KREMEN1: variants seen among roughly 807,000 people sequenced by gnomAD.
KREMEN1 encodes the protein kringle containing transmembrane protein 1.
KREMEN1 carries 30 observed loss-of-function variants against 46.5 expected under a neutral mutation model. The ratio of observed to expected loss-of-function variants is 0.65; its 90% CI spans 0.48 to 0.88. KREMEN1 has a LOEUF of 0.88. Among genes scored for constraint, KREMEN1 ranks in the 40% least tolerant of loss-of-function variants. The probability of loss-of-function intolerance (pLI) is 0.00; values close to 1 mark genes in which losing one functional copy is unlikely to be tolerated. For missense variants in KREMEN1, 533 were observed against 596.9 expected (o/e 0.89, Z 1.11); for synonymous variants, 214 against 230.6 (o/e 0.93, Z 0.65).
chr22:29,153,430 C>T (rs1253703423), intron 9 of KREMEN1, among the ~76,000 whole-genome samples: 1 of 152,154 alleles, frequency 6.6e-6, no homozygotes, highest in East Asian at 1.9e-4. Context: ...CTCATTGCAG[C>T]CTCACTCTCC....
chr22:29,095,589 C>A (rs1473144841), intron 2 of KREMEN1, among the ~76,000 whole-genome samples: 1 of 152,188 alleles, frequency 6.6e-6, no homozygotes, highest in African/African-American at 2.4e-5. Flanking sequence ...GAACTATATA[C>A]CCTGTCCCTG....
Position 29,143,185 on chromosome 22 carries a change from A to G in KREMEN1, c.*1073A>G, listed in dbSNP as rs922393636. 1.0e-6 allele frequency: 1 copy of G among 985,144 alleles called. No individual in the cohort carries two copies. Among genetic ancestry groups the G allele is most frequent in the African/African-American group, 1.7e-5 (1 of 57,188 alleles). 61.0% of individuals were successfully genotyped at this position (985,144 alleles called of 1,614,324 possible). A position where few individuals can be genotyped will look rare whatever the true frequency, so the allele number is the denominator to read the frequency against. On this transcript the variant is annotated 3_prime_UTR_variant, in exon 9 of 9. Coordinates refer to ENST00000400335, the MANE Select transcript of KREMEN1 (RefSeq NM_001039570.3). Reference sequence around the variant, plus strand: ...AAACACAAATAAACAAAAAAAATCCATTCATTTACTCATGCAATAAATTCT... The same window carrying G: ...AAACACAAATAAACAAAAAAAATCCGTTCATTTACTCATGCAATAAATTCT...
Position 29,145,288 on chromosome 22 carries a change from G to A in KREMEN1, c.*3176G>A. The stretch of plus-strand genomic sequence containing the variant: ...AGGTGGCGAAAAGAGGGTAACCCTG[G>A]GAAAGTCAGTCAGAACCCATGGCAG... On this transcript the variant is annotated 3_prime_UTR_variant, in exon 9 of 9. Transcript: ENST00000400335. 1.0e-6 allele frequency: 1 copy of A among 985,646 alleles called. No individual in the cohort carries two copies. Among genetic ancestry groups the A allele is most frequent in the South Asian group, 4.7e-5 (1 of 21,282 alleles). The allele number at this position is 985,646 out of a possible 1,614,324, so 61.1% of individuals were successfully genotyped here. A position where few individuals can be genotyped will look rare whatever the true frequency, so the allele number is the denominator to read the frequency against.
At position 29,144,670 on chromosome 22, in the gene KREMEN1, G is replaced by A; in HGVS notation, c.*2558G>A. 1.0e-6 allele frequency: 1 copy of A among 985,504 alleles called. No homozygotes were observed. Among genetic ancestry groups the A allele is most frequent in the Non-Finnish European group, 1.2e-6 (1 of 829,950 alleles). 61.0% of individuals were successfully genotyped at this position (985,504 alleles called of 1,614,324 possible). A position where few individuals can be genotyped will look rare whatever the true frequency, so the allele number is the denominator to read the frequency against. ...TCCTGTGCTGTGAATAGATCCATGT[G>A]CAGCACAAAGGGAATGTGGCACGTG... On this transcript the variant is annotated 3_prime_UTR_variant, in exon 9 of 9. Coordinates refer to ENST00000400335, the MANE Select transcript of KREMEN1 (RefSeq NM_001039570.3).
At chr22:29,074,228 T>A (rs970278168) in intron 1 of KREMEN1, among the ~76,000 whole-genome samples, 5 of 152,186 alleles carry the variant, frequency 3.3e-5, no homozygotes, top group African/African-American at 1.2e-4. Context: ...GGACGTGCCC[T>A]CTCTCTCCGC....
chr22:29,119,169 G>C (rs1253290371), intron 3 of KREMEN1, among the ~76,000 whole-genome samples: 2 of 152,140 alleles, frequency 1.3e-5, no homozygotes, highest in Non-Finnish European at 2.9e-5. Flanking sequence ...GCAACATAGT[G>C]AGACCCCATC....
At chr22:29,084,241 T>C (rs2037699300) in intron 1 of KREMEN1, among the ~76,000 whole-genome samples, 2 of 152,120 alleles carry the variant, frequency 1.3e-5, no homozygotes, top group South Asian at 2.1e-4. Flanking sequence ...CTGGCTTCTT[T>C]ACCACATCCT....
Position 29,138,800 on chromosome 22 carries a change from C to T in KREMEN1, c.1123+18C>T, listed in dbSNP as rs376071299. The T allele has an allele frequency of 5.0e-6, 8 of 1,614,234 alleles. No homozygotes were observed. The highest frequency in any genetic ancestry group is 6.8e-6 in the Non-Finnish European group (8 of 1,180,036). The stretch of plus-strand genomic sequence containing the variant: ...TGTCCCAGGTAGCAATTCCTGGGCG[C>T]CACCCATGGGGGCTGGAAGCCACAG... On this transcript the variant is annotated intron_variant, in intron 7 of 8. Coordinates refer to ENST00000400335, the MANE Select transcript of KREMEN1 (RefSeq NM_001039570.3).
At chr22:29,162,680 C>G (rs775267945) in intron 9 of KREMEN1, among the ~76,000 whole-genome samples, 2 of 151,818 alleles carry the variant, frequency 1.3e-5, no homozygotes, top group South Asian at 4.2e-4. Flanking sequence ...CCACTGCATT[C>G]CAGCCTGGGC....
intron 9 of KREMEN1, among the ~76,000 whole-genome samples, chr22:29,158,707 C>T (rs923106583): frequency 6.6e-6 from 1 of 152,236 alleles, no homozygotes; most frequent in Non-Finnish European, 1.5e-5. Flanking sequence ...CAGATGGCCC[C>T]ACCTCCAGGG....
At chr22:29,162,240 C>T (rs181760134) in intron 9 of KREMEN1, among the ~76,000 whole-genome samples, 2 of 152,184 alleles carry the variant, frequency 1.3e-5, no homozygotes, top group Admixed American at 1.3e-4. Context: ...CAAACAAAAA[C>T]CATCATCCCA....
At chr22:29,137,226 A>C (rs1227782007) in intron 5 of KREMEN1, 116 bp from the exon 6 acceptor site, 10 of 668,134 alleles carry the variant, frequency 1.5e-5, no homozygotes, top group Non-Finnish European at 2.4e-5. Context: ...TTACAGATAG[A>C]AACAATGTCC....
intron 9 of KREMEN1, among the ~76,000 whole-genome samples, chr22:29,163,561 G>A (rs191065457): frequency 1.3e-5 from 2 of 152,138 alleles, no homozygotes; most frequent in African/African-American, 4.8e-5. Flanking sequence ...ATTTTTAGTA[G>A]AGACAGGGTT....
In KREMEN1 at chr22:29,142,186, C is replaced by G; in HGVS notation, c.*74C>G. 1 of 1,457,610 alleles carries G rather than the reference C, an allele frequency of 6.9e-7. No homozygotes were observed. Among genetic ancestry groups the G allele is most frequent in the Non-Finnish European group, 9.0e-7 (1 of 1,105,344 alleles). The allele number at this position is 1,457,610 out of a possible 1,614,324, so 90.3% of individuals were successfully genotyped here. On this transcript the variant is annotated 3_prime_UTR_variant, in exon 9 of 9. Coordinates refer to ENST00000400335, the MANE Select transcript of KREMEN1 (RefSeq NM_001039570.3). ...GCCGTGGTCAACCTCTCCTGTGGTT[C>G]TTCTCTGACAGACTCTTCCCCTCCT...
chr22:29,113,604 T>C (rs2038185701), intron 3 of KREMEN1, among the ~76,000 whole-genome samples: 1 of 152,234 alleles, frequency 6.6e-6, no homozygotes. Context: ...GAGGTCCGTA[T>C]TGATTCTCAT....
downstream of KREMEN1, among the ~76,000 whole-genome samples, chr22:29,147,120 G>A (rs377344928): frequency 7.9e-5 from 12 of 152,228 alleles, no homozygotes; most frequent in South Asian, 4.2e-4. Flanking sequence ...GGCTCGAGCC[G>A]GCCTAGATCC....
At chr22:29,117,382 A>C (rs896614092) in intron 3 of KREMEN1, among the ~76,000 whole-genome samples, 1 of 152,174 alleles carries the variant, frequency 6.6e-6, no homozygotes, top group Non-Finnish European at 1.5e-5. Flanking sequence ...CCTGGCTAAC[A>C]TGGTGAAACC....
chr22:29,119,400 A>T (rs1241190029), intron 3 of KREMEN1, among the ~76,000 whole-genome samples: 3 of 152,216 alleles, frequency 2.0e-5, no homozygotes, highest in Non-Finnish European at 4.4e-5. Flanking sequence ...ATGATTGATT[A>T]TTAACTCAAT....
In KREMEN1 at chr22:29,100,319, G is replaced by A. The variant is rs143245078; in HGVS notation, c.352+1366G>A. Among the ~76,000 whole-genome samples the A allele has an allele frequency of 8.2e-3, 1,241 of 152,098 alleles. 14 individuals are homozygous for A. Among genetic ancestry groups the A allele is most frequent in the African/African-American group, 0.028 (1,164 of 41,486 alleles). ...TAGTAGAGACGGGGTTTCTCCATGT[G>A]GTCAGGCTGGTCTTGAACTCCTGAC... On this transcript the variant is annotated intron_variant, in intron 3 of 8. Transcript: ENST00000400335.
Sources: gnomAD v4.1 joint callset for allele counts (sites outside exome capture counted in the v4.1 genomes callset) on GRCh38, gnomAD v4.1.1 for gene constraint, MANE v1.5 for transcripts, NCBI Gene and HGNC (gene_info 2026-07-23, HGNC 2026-07-21) for gene names.